Variants in CASP5 observed in about 807,000 individuals in gnomAD.
CASP5 encodes the protein caspase 5.
CASP5 carries 42 observed loss-of-function variants against 45.2 expected under a neutral mutation model. The observed-to-expected ratio is 0.93, with a 90% CI of 0.73 to 1.20. The LOEUF (loss-of-function observed/expected upper bound fraction) is 1.20. Among genes scored for constraint, CASP5 ranks in the 50% most tolerant of loss-of-function variants. The probability of loss-of-function intolerance (pLI) is 0.00; values close to 1 mark genes in which losing one functional copy is unlikely to be tolerated. For missense variants in CASP5, 512 were observed against 532.2 expected (o/e 0.96, Z 0.37); for synonymous variants, 209 against 186.2 (o/e 1.12, Z -1.00).
In CASP5 at chr11:105,009,720, CATATATATATATATAT is replaced by C. The variant is rs199695891; in HGVS notation, c.8-756_8-741del. On this transcript the variant is annotated intron_variant, in intron 1 of 9. Transcript: ENST00000260315. ...TTACCAGGAGATATATATATACACA[CATATATATATATATAT>C]ATATATATATATATATATATATACA... is the stretch of plus-strand genomic sequence containing the variant. Among the ~76,000 whole-genome samples, 146 of 64,068 alleles carry C rather than the reference CATATATATATATATAT, an allele frequency of 2.3e-3. 4 individuals are homozygous for C. In the East Asian group the frequency reaches 0.033, roughly 14 times the overall value. The allele number at this position is 64,068 out of a possible 152,430, so 42.0% of individuals were successfully genotyped here.
rs1174207037 is a variant in CASP5 at position 105,023,098 on chromosome 11, C to T, written c.7+32G>A. ...AAGATTTTTCTAAGACCTGAGTACCCAGCTGCTAGTCAGAAAAGGGCCCAG... is the reference window on the plus strand; with the variant it reads ...AAGATTTTTCTAAGACCTGAGTACCTAGCTGCTAGTCAGAAAAGGGCCCAG... On this transcript the variant is annotated intron_variant, in intron 1 of 9. Coordinates refer to ENST00000260315, the MANE Select transcript of CASP5 (RefSeq NM_004347.5). 4 of 1,549,334 alleles carry T rather than the reference C, an allele frequency of 2.6e-6. No individual in the cohort carries two copies. In the South Asian group the frequency reaches 4.8e-5, roughly 18 times the overall value.
chr11:105,009,320 C>T (rs1385964667), intron 1 of CASP5, among the ~76,000 whole-genome samples: 3 of 151,804 alleles, frequency 2.0e-5, no homozygotes, highest in Non-Finnish European at 4.4e-5. Flanking sequence ...GAAGTGTGTG[C>T]ACCCAGGACA....
At chr11:105,008,308 T>C (rs1232982730) in intron 2 of CASP5, among the ~76,000 whole-genome samples, 1 of 152,104 alleles carries the variant, frequency 6.6e-6, no homozygotes, top group Non-Finnish European at 1.5e-5. Flanking sequence ...CATCTAGAGC[T>C]AAATGAGTCT....
At chr11:104,997,580 A>G in intron 7 of CASP5, 88 bp from the exon 8 acceptor site, 1 of 709,274 alleles carries the variant, frequency 1.4e-6, no homozygotes, top group East Asian at 2.7e-5. Context: ...TTGAGAATTT[A>G]CTTGATAGAT....
At chr11:105,009,236 G>A (rs1375514480) in intron 1 of CASP5, among the ~76,000 whole-genome samples, 1 of 151,686 alleles carries the variant, frequency 6.6e-6, no homozygotes, top group Non-Finnish European at 1.5e-5. Context: ...GCAGCATTGG[G>A]CCTAATGCTA....
chr11:105,010,685 G>A (rs188733160), intron 1 of CASP5, among the ~76,000 whole-genome samples: 1 of 151,352 alleles, frequency 6.6e-6, no homozygotes, highest in African/African-American at 2.4e-5. Context: ...ACATGAATTA[G>A]GGTTCAAATC....
At chr11:105,012,527 G>A (rs959384494) in intron 1 of CASP5, among the ~76,000 whole-genome samples, 18 of 151,866 alleles carry the variant, frequency 1.2e-4, no homozygotes, top group Admixed American at 5.9e-4. Flanking sequence ...CCATATGTCT[G>A]ATAAGATATT....
chr11:105,019,520 A>G (rs1862827794), intron 1 of CASP5, among the ~76,000 whole-genome samples: 1 of 151,288 alleles, frequency 6.6e-6, no homozygotes. Context: ...AGAGAATACT[A>G]CAAACACCTC....
At chr11:105,019,760 T>A (rs924205733) in intron 1 of CASP5, among the ~76,000 whole-genome samples, 2 of 144,914 alleles carry the variant, frequency 1.4e-5, no homozygotes, top group Non-Finnish European at 3.1e-5. Context: ...CTTCTGAAAC[T>A]ATTCCAATCA....
At position 105,002,122 on chromosome 11, in the gene CASP5, G is replaced by A; in HGVS notation, c.623C>T (p.Ala208Val). Residue 208 changes from alanine (A) to valine (V), a missense_variant, in exon 5 of 10, where the codon GCA becomes GTA. Coordinates refer to ENST00000260315, the MANE Select transcript of CASP5 (RefSeq NM_004347.5). ...GATGTCATAGTGAGCCCCATTCCTT[G>A]CAGGCAGGTGATCAAACTTTGTATT... ...ICNTKFDHLP[A>V]RNGAHYDIVG... is the part of the protein sequence containing the mutation. The A allele has an allele frequency of 6.2e-7, 1 of 1,614,052 alleles. No homozygotes were observed. Among genetic ancestry groups the A allele is most frequent in the Non-Finnish European group, 8.5e-7 (1 of 1,179,978 alleles).
intron 5 of CASP5, among the ~76,000 whole-genome samples, chr11:105,001,522 C>T (rs1315604843): frequency 1.3e-5 from 2 of 152,082 alleles, no homozygotes; most frequent in African/African-American, 2.4e-5. Flanking sequence ...GAAAATTAGC[C>T]GGGCGTGGTG....
chr11:105,012,208 G>T (rs1407681255), intron 1 of CASP5, among the ~76,000 whole-genome samples: 1 of 151,794 alleles, frequency 6.6e-6, no homozygotes, highest in Non-Finnish European at 1.5e-5. Flanking sequence ...GATAAATGAT[G>T]TTGGGAAAAT....
chr11:105,020,173 A>T lies in CASP5; in HGVS notation c.7+2957T>A, dbSNP rs1175667731. On this transcript the variant is annotated intron_variant, in intron 1 of 9. Transcript: ENST00000260315. ...GATGTATTTCAAAATAATAAGAGCT[A>T]TCTATGACAAACCCACAGCCAATAT... Among the ~76,000 whole-genome samples, 4 of 146,254 alleles carry T rather than the reference A, an allele frequency of 2.7e-5. No homozygotes were observed. In the South Asian group the frequency reaches 8.7e-4, roughly 32 times the overall value.
intron 1 of CASP5, among the ~76,000 whole-genome samples, chr11:105,022,081 A>T (rs1027280151): frequency 3.9e-4 from 58 of 149,772 alleles, no homozygotes; most frequent in African/African-American, 1.3e-3. Context: ...AACACCGCAT[A>T]TTCTCACTCA....
intron 7 of CASP5, among the ~76,000 whole-genome samples, chr11:104,998,081 C>T (rs45442798): frequency 0.032 from 4,820 of 151,994 alleles, 227 homozygotes; most frequent in African/African-American, 0.1. Flanking sequence ...GTAAATTATC[C>T]TTATCACACC....
intron 1 of CASP5, among the ~76,000 whole-genome samples, chr11:105,016,021 G>C (rs1862570825): frequency 6.6e-6 from 1 of 152,170 alleles, no homozygotes; most frequent in Admixed American, 6.5e-5. Context: ...AACACTATCT[G>C]AAAGTTTAGA....
intron 3 of CASP5, among the ~76,000 whole-genome samples, chr11:105,005,474 C>G (rs1298670426): frequency 6.6e-6 from 1 of 151,920 alleles, no homozygotes; most frequent in East Asian, 1.9e-4. Context: ...GTTGGAAACC[C>G]TCATAATTAT....
intron 3 of CASP5, among the ~76,000 whole-genome samples, chr11:105,006,100 A>G (rs1861987570): frequency 6.6e-6 from 1 of 152,162 alleles, no homozygotes; most frequent in African/African-American, 2.4e-5. Context: ...GTCTATGGCA[A>G]ATTGAGTCCT....
At chr11:105,016,480 G>A (rs980254197) in intron 1 of CASP5, among the ~76,000 whole-genome samples, 1 of 152,200 alleles carries the variant, frequency 6.6e-6, no homozygotes, top group African/African-American at 2.4e-5. Flanking sequence ...GCAGGGCGAG[G>A]CATTGCCTCA....
Sources: allele counts gnomAD v4.1 joint callset (sites outside exome capture counted in the v4.1 genomes callset), GRCh38; gene constraint gnomAD v4.1.1; transcripts MANE v1.5; gene names NCBI Gene and HGNC (gene_info 2026-07-23, HGNC 2026-07-21).